SORCS3: variants seen among roughly 807,000 people sequenced by gnomAD.
The protein encoded by SORCS3 is VPS10 domain-containing receptor SorCS3.
Under a neutral mutation model 146.3 loss-of-function variants are expected in SORCS3, and 57 were observed. The ratio of observed to expected loss-of-function variants is 0.39; its 90% confidence interval spans 0.31 to 0.49. The LOEUF is 0.49. Ranked by LOEUF, SORCS3 falls within the 20% of genes least tolerant of loss-of-function variation. The probability of loss-of-function intolerance (pLI) is 0.92; values close to 1 mark genes in which losing one functional copy is unlikely to be tolerated. For missense variants in SORCS3, 1,341 were observed against 1,575.5 expected, an observed-to-expected ratio of 0.85 and a Z score of 2.52; for synonymous variants, 653 against 618.5, an observed-to-expected ratio of 1.06 and a Z score of -0.83.
chr10:104,650,842 C>T (rs2015550364), intron 1 of SORCS3, among the ~76,000 whole-genome samples: 1 of 152,236 alleles, frequency 6.6e-6, no homozygotes, highest in South Asian at 2.1e-4. Flanking sequence ...ACGTGCCTGA[C>T]ATCCTCCCAG....
chr10:104,724,083 C>T (rs948534816), intron 1 of SORCS3, among the ~76,000 whole-genome samples: 14 of 152,290 alleles, frequency 9.2e-5, no homozygotes, highest in African/African-American at 3.4e-4. Context: ...ATGGTCTTTA[C>T]AATTTGGCAT....
At chr10:104,851,357 A>G (rs535653024) in intron 2 of SORCS3, among the ~76,000 whole-genome samples, 2 of 152,250 alleles carry the variant, frequency 1.3e-5, no homozygotes, top group South Asian at 2.1e-4. Context: ...TTTATGTTGT[A>G]TTCCCTTTCC....
intron 6 of SORCS3, among the ~76,000 whole-genome samples, chr10:105,103,763 C>T (rs751506246): frequency 6.6e-6 from 1 of 152,138 alleles, no homozygotes; most frequent in Non-Finnish European, 1.5e-5. Context: ...ACAGACATTG[C>T]TCAAATTTGA....
At chr10:104,839,879 G>A (rs766300201) in intron 1 of SORCS3, among the ~76,000 whole-genome samples, 2 of 152,180 alleles carry the variant, frequency 1.3e-5, no homozygotes, top group Admixed American at 6.5e-5. Context: ...CTGACCCCCC[G>A]GTGAAGGAGA....
chr10:105,225,532 G>T (rs2056729228), intron 20 of SORCS3, among the ~76,000 whole-genome samples: 1 of 151,618 alleles, frequency 6.6e-6, no homozygotes, highest in Non-Finnish European at 1.5e-5. Flanking sequence ...CTTCAACTTT[G>T]TTCTCCTTCA....
intron 2 of SORCS3, among the ~76,000 whole-genome samples, chr10:104,909,687 G>A (rs2018946069): frequency 1.3e-5 from 2 of 152,164 alleles, no homozygotes; most frequent in African/African-American, 4.8e-5. Context: ...CTGGCAGAGT[G>A]TCTATCTCTG....
chr10:104,984,313 A>T (rs1470275829), intron 4 of SORCS3, among the ~76,000 whole-genome samples: 2 of 152,210 alleles, frequency 1.3e-5, no homozygotes, highest in Non-Finnish European at 2.9e-5. Context: ...AAAAATTTTC[A>T]TTTAAAATTA....
intron 1 of SORCS3, among the ~76,000 whole-genome samples, chr10:104,680,905 C>T (rs1261537202): frequency 6.6e-6 from 1 of 152,216 alleles, no homozygotes; most frequent in African/African-American, 2.4e-5. Context: ...TAGCAAATAC[C>T]TCCCAGACCA....
At position 105,263,583 on chromosome 10, in the gene SORCS3, G is replaced by A; in HGVS notation, c.*209G>A. 1 of 547,176 alleles carries A rather than the reference G, an allele frequency of 1.8e-6. No homozygotes were observed. 33.9% of individuals were successfully genotyped at this position (547,176 alleles called of 1,614,324 possible). On this transcript the variant is annotated 3_prime_UTR_variant, in exon 27 of 27. Transcript: ENST00000369701. ...AAAGGGAATAAATGGCTGTATTTGTGCTAAGAGCAAAGGATGCATCTTCCC... is the reference window on the plus strand; with the variant it reads ...AAAGGGAATAAATGGCTGTATTTGTACTAAGAGCAAAGGATGCATCTTCCC...
intron 1 of SORCS3, among the ~76,000 whole-genome samples, chr10:104,832,746 T>C (rs1183555518): frequency 6.6e-6 from 1 of 151,626 alleles, no homozygotes; most frequent in African/African-American, 2.4e-5. Flanking sequence ...AATAAATAAA[T>C]AAATGAACGA....
intron 1 of SORCS3, among the ~76,000 whole-genome samples, chr10:104,837,880 A>G (rs2018088913): frequency 6.6e-6 from 1 of 152,178 alleles, no homozygotes; most frequent in Non-Finnish European, 1.5e-5. Context: ...TACTGAGTAG[A>G]GGAGCATCAC....
intron 3 of SORCS3, 23 bp from the exon 4 acceptor site, chr10:104,977,312 A>G (rs933686124): frequency 2.5e-6 from 4 of 1,587,456 alleles, no homozygotes; most frequent in African/African-American, 1.4e-5. Flanking sequence ...CTGTCTGTAT[A>G]TGTCCCTCTA....
intron 3 of SORCS3, among the ~76,000 whole-genome samples, chr10:104,938,838 G>A (rs142302810): frequency 0.014 from 2,132 of 152,338 alleles, 18 homozygotes; most frequent in Non-Finnish European, 0.021. Context: ...GGGGGAAGCC[G>A]TGATGCAGGT....
chr10:105,162,164 T>C lies in SORCS3; in HGVS notation c.1733-2139T>C, dbSNP rs188384205. ...TCAATATTCTCTCCCTTTTATTTTA[T>C]TTTTTTAATATTTAAGGAGCAGAGA... On this transcript the variant is annotated intron_variant, in intron 11 of 26. Coordinates refer to ENST00000369701, the MANE Select transcript of SORCS3 (RefSeq NM_014978.3). 8.5e-5 allele frequency among the ~76,000 whole-genome samples: 13 copies of C among 152,310 alleles called. No individual in the cohort carries two copies. In the East Asian group the frequency reaches 2.5e-3, roughly 29 times the overall value.
At chr10:104,991,877 T>C (rs10786838) in intron 4 of SORCS3, among the ~76,000 whole-genome samples, 83,336 of 152,058 alleles carry the variant, frequency 0.55, 26,092 homozygotes, top group African/African-American at 0.87. Context: ...TTATTTACCT[T>C]TTTAAAGACC....
At chr10:105,253,218 G>GAC (rs1041643561) in intron 23 of SORCS3, among the ~76,000 whole-genome samples, 2 of 152,246 alleles carry the variant, frequency 1.3e-5, no homozygotes, top group African/African-American at 2.4e-5. Context: ...GAGAGAGAGA[G>GAC]AGACAGACAG....
At chr10:104,960,273 A>T (rs1017823268) in intron 3 of SORCS3, among the ~76,000 whole-genome samples, 1 of 152,172 alleles carries the variant, frequency 6.6e-6, no homozygotes, top group African/African-American at 2.4e-5. Context: ...CTTGAAGGTT[A>T]TCTTCCTTCT....
chr10:104,918,882 C>A (rs1014861548), intron 3 of SORCS3, among the ~76,000 whole-genome samples: 7 of 152,168 alleles, frequency 4.6e-5, no homozygotes, highest in Admixed American at 4.6e-4. Context: ...CTAAGTGGCT[C>A]GTGAAGGTTT....
intron 4 of SORCS3, among the ~76,000 whole-genome samples, chr10:105,006,290 C>T (rs1025467592): frequency 2.0e-5 from 3 of 152,104 alleles, no homozygotes; most frequent in Non-Finnish European, 4.4e-5. Flanking sequence ...TGGCTCTTTT[C>T]TTCATTTCAT....
Sources: allele counts gnomAD v4.1 joint callset (sites outside exome capture counted in the v4.1 genomes callset), GRCh38; gene constraint gnomAD v4.1.1; transcripts MANE v1.5; gene names NCBI Gene and HGNC (gene_info 2026-07-23, HGNC 2026-07-21).